NFKBID: variants seen among roughly 807,000 people sequenced by gnomAD.
NFKBID encodes NF-kappa-B inhibitor delta.
Under a neutral mutation model 53.4 loss-of-function variants are expected in NFKBID, and 26 were observed. That is an observed-to-expected ratio of 0.49 (90% confidence interval 0.36 to 0.68). The LOEUF (loss-of-function observed/expected upper bound fraction) is 0.68. Among genes scored for constraint, NFKBID ranks in the 30% least tolerant of loss-of-function variants. The pLI is 0.00. For synonymous variants in NFKBID, 262 were observed against 259.8 expected, an observed-to-expected ratio of 1.01 and a Z score of -0.08; for missense variants, 493 against 614.1, an observed-to-expected ratio of 0.80 and a Z score of 2.08.
chr19:35,890,534 T>C, intron 9 of NFKBID, 44 bp from the exon 10 acceptor site: 1 of 1,323,566 alleles, frequency 7.6e-7, no homozygotes, highest in Non-Finnish European at 1.1e-6. Flanking sequence ...GCCTCACACC[T>C]AGGTGCCCTC....
At chr19:35,888,986 G>T (rs527803169) in intron 11 of NFKBID, among the ~76,000 whole-genome samples, 2 of 151,496 alleles carry the variant, frequency 1.3e-5, no homozygotes, top group African/African-American at 4.9e-5. Flanking sequence ...TGGAGCTTGC[G>T]GTGAGCTAAA....
chr19:35,900,040 C>G lies in NFKBID; in HGVS notation c.61+402G>C, dbSNP rs569497725. ...CCTGAGGCCAGGCTCCGGACCCTTC[C>G]CCACCGAGACCCACGCCGATTTTAA... On this transcript the variant is annotated intron_variant, in intron 1 of 11. Coordinates refer to ENST00000641389, the Ensembl canonical transcript of NFKBID. 2.1e-3 allele frequency among the ~76,000 whole-genome samples: 268 copies of G among 130,438 alleles called. 6 individuals are homozygous for G. Among genetic ancestry groups the G allele is most frequent in the African/African-American group, 7.2e-3 (251 of 34,694 alleles). The allele number at this position is 130,438 out of a possible 152,430, so 85.6% of individuals were successfully genotyped here.
At chr19:35,897,009 G>A in exon 5 of NFKBID, 1 of 1,606,450 alleles carries the variant, frequency 6.2e-7, no homozygotes. Context: ...GACCACAGCG[G>A]GGAACTGTGG....
At chr19:35,888,847 ACCAG>A (rs1974555496) in intron 11 of NFKBID, among the ~76,000 whole-genome samples, 1 of 152,098 alleles carries the variant, frequency 6.6e-6, no homozygotes, top group Admixed American at 6.6e-5. Context: ...GGAGTTCAAG[ACCAG>A]CCCAGCCAAC....
At chr19:35,891,155 G>A (rs910272441) in intron 9 of NFKBID, among the ~76,000 whole-genome samples, 4 of 152,166 alleles carry the variant, frequency 2.6e-5, no homozygotes, top group African/African-American at 9.7e-5. Context: ...ACAAGCACAG[G>A]AGTTGGCAGC....
upstream of NFKBID, chr19:35,902,011 C>T: frequency 1.6e-6 from 1 of 616,244 alleles, no homozygotes; most frequent in South Asian, 1.9e-5. Flanking sequence ...CTCACCCAGT[C>T]TTGTGGCTTT....
At chr19:35,895,980 C>T in exon 9 of NFKBID, 2 of 1,613,446 alleles carry the variant, frequency 1.2e-6, no homozygotes, top group Non-Finnish European at 1.7e-6. Context: ...CCCCGCTCAC[C>T]TGGCTGGTGT....
upstream of NFKBID, chr19:35,901,453 G>A (rs7254113): frequency 0.072 from 10,921 of 152,304 alleles, 948 homozygotes; most frequent in African/African-American, 0.21. Flanking sequence ...AACTAAGCAG[G>A]CAGGAATTCC....
At position 35,892,540 on chromosome 19, in the gene NFKBID, T is replaced by G. The variant is rs186968534; in HGVS notation, c.1033-2050A>C. Among the ~76,000 whole-genome samples, 590 of 144,448 alleles carry G rather than the reference T, an allele frequency of 4.1e-3. 2 individuals are homozygous for G. The highest frequency in any genetic ancestry group is 7.7e-3 in the Non-Finnish European group (510 of 66,636). The allele number at this position is 144,448 out of a possible 152,430, so 94.8% of individuals were successfully genotyped here. A position where few individuals can be genotyped will look rare whatever the true frequency, so the allele number is the denominator to read the frequency against. ...ACCTGGGCGACAGAGCGAGACTCCATCTCAAAAAAAAAAAAAAAATTATTT... is the reference window on the plus strand; with the variant it reads ...ACCTGGGCGACAGAGCGAGACTCCAGCTCAAAAAAAAAAAAAAAATTATTT... On this transcript the variant is annotated intron_variant, in intron 9 of 11. Transcript: ENST00000641389.
chr19:35,897,242 C>A, intron 4 of NFKBID, 184 bp from the exon 5 acceptor site: 1 of 603,084 alleles, frequency 1.7e-6, no homozygotes, highest in Non-Finnish European at 2.8e-6. Flanking sequence ...CTCAGTTTTG[C>A]CCACCTGGAA....
intron 3 of NFKBID, 47 bp downstream of exon 3, chr19:35,898,425 T>G: frequency 8.2e-7 from 1 of 1,213,634 alleles, no homozygotes; most frequent in Non-Finnish European, 1.2e-6. Context: ...GATGTCTGAG[T>G]CCCTTAGGGA....
At chr19:35,891,666 C>T (rs966421591) in intron 9 of NFKBID, among the ~76,000 whole-genome samples, 1 of 151,912 alleles carries the variant, frequency 6.6e-6, no homozygotes, top group Non-Finnish European at 1.5e-5. Flanking sequence ...GTCAAGAGTT[C>T]GAGACCAGCC....
chr19:35,890,965 C>T (rs995449113), intron 9 of NFKBID, among the ~76,000 whole-genome samples: 3 of 152,166 alleles, frequency 2.0e-5, no homozygotes, highest in African/African-American at 4.8e-5. Flanking sequence ...AACACCACGT[C>T]TCAGGGTGTA....
chr19:35,889,209 A>G (rs1260660688), intron 11 of NFKBID, among the ~76,000 whole-genome samples: 1 of 148,884 alleles, frequency 6.7e-6, no homozygotes, highest in African/African-American at 2.5e-5. Flanking sequence ...AAACAAAATT[A>G]GCTGGGTGTG....
chr19:35,901,895 T>G, upstream of NFKBID: 2 of 437,940 alleles, frequency 4.6e-6, no homozygotes, highest in Admixed American at 3.9e-5. Context: ...CTCTCAGGGG[T>G]CCCCTCCCTC....
intron 9 of NFKBID, among the ~76,000 whole-genome samples, chr19:35,894,955 T>C (rs1975032794): frequency 2.0e-5 from 3 of 151,614 alleles, no homozygotes; most frequent in Admixed American, 2.0e-4. Flanking sequence ...ATCACACCAT[T>C]GCACTCCAGC....
chr19:35,896,340 T>C lies in NFKBID; in HGVS notation c.831+52A>G. Reference sequence around the variant, plus strand: ...CCTCCTGGCCCTGGAAGCCAAAATCTGGGCAACCAGTCTACCCCCCAGACA... The same window carrying C: ...CCTCCTGGCCCTGGAAGCCAAAATCCGGGCAACCAGTCTACCCCCCAGACA... On this transcript the variant is annotated intron_variant, in intron 7 of 11. Transcript: ENST00000641389. The surrounding 1 kb of genome is among the most constrained non-coding windows in gnomAD (Gnocchi z 5.7). The C allele has an allele frequency of 6.2e-7, 1 of 1,613,906 alleles. No individual in the cohort carries two copies. Among genetic ancestry groups the C allele is most frequent in the African/African-American group, 1.3e-5 (1 of 75,054 alleles).
chr19:35,890,251 T>C (rs1439320088), intron 10 of NFKBID, 123 bp downstream of exon 10: 1 of 857,592 alleles, frequency 1.2e-6, no homozygotes, highest in African/African-American at 1.7e-5. Flanking sequence ...CTGCTTCCTA[T>C]ACTTTCCCCT....
At position 35,896,039 on chromosome 19, in the gene NFKBID, G is replaced by A. The variant is rs1486418058; in HGVS notation, c.973C>T (p.Arg325Ter). The A allele has an allele frequency of 2.5e-6, 4 of 1,614,042 alleles. No individual in the cohort carries two copies. Among genetic ancestry groups the A allele is most frequent in the African/African-American group, 1.3e-5 (1 of 74,928 alleles). The change falls in exon 9 of 12, where the codon CGA becomes TGA. Residue 325 changes from arginine (R) to a stop codon, truncating the protein, a stop_gained. Transcript: ENST00000641389. LOFTEE classifies it high-confidence loss of function. The surrounding 1 kb of genome is among the most constrained non-coding windows in gnomAD (Gnocchi z 5.7). ...ATGTGGACACAATCCAGCCTGTCTCGGGCCTGTGTGCTCAGCACCCGGGGA... is the reference window on the plus strand; with the variant it reads ...ATGTGGACACAATCCAGCCTGTCTCAGGCCTGTGTGCTCAGCACCCGGGGA...
Sources: gnomAD v4.1 joint callset for allele counts (sites outside exome capture counted in the v4.1 genomes callset) on GRCh38, gnomAD v4.1.1 for gene constraint, Gnocchi (gnomAD v3.1) non-coding constraint, MANE v1.5 for transcripts, NCBI Gene and HGNC (gene_info 2026-07-23, HGNC 2026-07-21) for gene names.